Variants in ICE2 observed in about 807,000 individuals in gnomAD.
The protein encoded by ICE2 is little elongation complex subunit 2.
Under a neutral mutation model 105.4 loss-of-function variants are expected in ICE2, and 87 were observed. The ratio of observed to expected loss-of-function variants is 0.83; its 90% CI spans 0.69 to 0.99. The LOEUF is 0.99. ICE2 is among the 50% of genes least tolerant of loss of function. The pLI is 0.00. For synonymous variants in ICE2, 399 were observed against 392.0 expected, an observed-to-expected ratio of 1.02 and a Z score of -0.21; for missense variants, 1,323 against 1,146.7, an observed-to-expected ratio of 1.15 and a Z score of -2.22.
At chr15:60,461,060 G>T (rs765235039) in intron 5 of ICE2, among the ~76,000 whole-genome samples, 1 of 132,538 alleles carries the variant, frequency 7.5e-6, no homozygotes, top group Non-Finnish European at 1.6e-5. Flanking sequence ...TCCACCAGTT[G>T]TAACAACCAA....
chr15:60,459,510 C>T (rs1415919595), intron 5 of ICE2, among the ~76,000 whole-genome samples: 1 of 152,106 alleles, frequency 6.6e-6, no homozygotes, highest in Non-Finnish European at 1.5e-5. Flanking sequence ...TCATCAAAGG[C>T]ACATCTAGAA....
intron 11 of ICE2, chr15:60,445,631 A>G (rs2063806779): frequency 1.2e-5 from 12 of 981,536 alleles, no homozygotes; most frequent in Middle Eastern, 5.3e-4. Flanking sequence ...ATTTTCTTCT[A>G]TAAGGTTATG....
Position 60,478,086 on chromosome 15 carries a change from G to A in ICE2, c.-92-17C>T, listed in dbSNP as rs1017329071. 5 of 994,484 alleles carry A rather than the reference G, an allele frequency of 5.0e-6. No homozygotes were observed. Among genetic ancestry groups the A allele is most frequent in the African/African-American group, 3.2e-5 (2 of 62,726 alleles). 61.6% of individuals were successfully genotyped at this position (994,484 alleles called of 1,614,324 possible). A position where few individuals can be genotyped will look rare whatever the true frequency, so the allele number is the denominator to read the frequency against. ...CTTACTCAGCTGAGTAAAAACAAAA[G>A]GCCAAGATCAAAAGCAAGTGATTGG... On this transcript the variant is annotated splice_polypyrimidine_tract_variant and intron_variant, in intron 1 of 15. Transcript: ENST00000261520.
chr15:60,424,760 C>A (rs977197025), intron 15 of ICE2, among the ~76,000 whole-genome samples: 1 of 152,218 alleles, frequency 6.6e-6, no homozygotes, highest in African/African-American at 2.4e-5. Context: ...CCCGCCTCAG[C>A]CTCCCACAGT....
At chr15:60,438,802 C>T (rs1355756163) in intron 12 of ICE2, 1 of 152,174 alleles carries the variant, frequency 6.6e-6, no homozygotes, top group Non-Finnish European at 1.5e-5. Context: ...GCTTAAGATA[C>T]TCATCACCTC....
At chr15:60,459,872 T>C (rs184399311) in intron 5 of ICE2, among the ~76,000 whole-genome samples, 3 of 150,936 alleles carry the variant, frequency 2.0e-5, no homozygotes, top group Admixed American at 6.6e-5. Flanking sequence ...AAAATGTCAA[T>C]CCCCTCAAAA....
intron 14 of ICE2, among the ~76,000 whole-genome samples, chr15:60,431,016 T>G (rs1366844971): frequency 6.6e-6 from 1 of 151,936 alleles, no homozygotes; most frequent in African/African-American, 2.4e-5. Context: ...GGATTACAGG[T>G]GCACGCCACA....
rs530863069 is a variant in ICE2, at chr15:60,448,181, T to C, written c.2120-36A>G. 223 of 1,351,522 alleles carry C rather than the reference T, an allele frequency of 1.6e-4. 2 individuals are homozygous for C. The South Asian group carries it at 2.6e-3, about 16-fold the overall frequency. The allele number at this position is 1,351,522 out of a possible 1,614,324, so 83.7% of individuals were successfully genotyped here. ...AGTATTTCTCATTTTTAAAATACAT[T>C]AGCTCTTACCCATCATAAGCAAGGA... On this transcript the variant is annotated intron_variant, in intron 10 of 15. Coordinates refer to ENST00000261520, the MANE Select transcript of ICE2 (RefSeq NM_024611.6).
chr15:60,449,622 T>C lies in ICE2; in HGVS notation c.1345A>G (p.Ile449Val), dbSNP rs142323996. The change falls in exon 10 of 16, where the codon ATT (isoleucine) becomes GTT (valine). Residue 449 changes from isoleucine (I) to valine (V), a missense_variant. By Grantham distance (29) the Ile-to-Val change is conservative. Transcript: ENST00000261520. The part of the protein sequence containing the change: ...TTTVAPSAPD[I>V]SANSRSLSQI... ...GATAAACTTCTAGAATTAGCAGAAA[T>C]GTCTGGTGCACTTGGTGCCACAGTT... The C allele has an allele frequency of 1.2e-6, 2 of 1,614,158 alleles. No homozygotes were observed. The highest frequency in any genetic ancestry group is 1.1e-5 in the South Asian group (1 of 91,078).
At chr15:60,478,978 G>A (rs1269973936) in intron 1 of ICE2, 25 bp downstream of exon 1, 4 of 455,810 alleles carry the variant, frequency 8.8e-6, no homozygotes, top group African/African-American at 4.0e-5. Context: ...CCGCGTCTGG[G>A]CTGCAACACA....
intron 11 of ICE2, chr15:60,445,677 A>G: frequency 1.0e-6 from 1 of 985,276 alleles, no homozygotes; most frequent in Non-Finnish European, 1.2e-6. Context: ...AGTCAAGTGA[A>G]TTACAATGTC....
chr15:60,424,930 A>G (rs566645535), intron 15 of ICE2, among the ~76,000 whole-genome samples: 7 of 152,292 alleles, frequency 4.6e-5, no homozygotes, highest in East Asian at 3.9e-4. Context: ...GCCTGAAACT[A>G]TTTCCACAGA....
At chr15:60,437,524 G>A (rs1419739701) in intron 12 of ICE2, among the ~76,000 whole-genome samples, 1 of 151,742 alleles carries the variant, frequency 6.6e-6, no homozygotes, top group African/African-American at 2.4e-5. Flanking sequence ...GTAGAGACTG[G>A]GTTTCATCAT....
At chr15:60,474,448 T>A (rs1474895094) in intron 3 of ICE2, among the ~76,000 whole-genome samples, 2 of 152,056 alleles carry the variant, frequency 1.3e-5, no homozygotes, top group African/African-American at 4.8e-5. Context: ...GAGGTCAATT[T>A]AAAAATTATA....
At position 60,455,074 on chromosome 15, in the gene ICE2, A is replaced by C. The variant is rs1283185725; in HGVS notation, c.872T>G (p.Leu291Ter). 1 of 1,601,662 alleles carries C rather than the reference A, an allele frequency of 6.2e-7. No homozygotes were observed. The highest frequency in any genetic ancestry group is 2.2e-5 in the East Asian group (1 of 44,752). Residue 291 changes from leucine to a stop codon, truncating the protein, a stop_gained, in exon 8 of 16, where the codon TTA becomes TGA. Transcript: ENST00000261520. LOFTEE classifies it high-confidence loss of function. ...CTTGTACGTTGGTCCATGATTATTT[A>C]ATAAGGTAAATAATGACTGACTAGT... Reference protein sequence around the residue: ...ALTSQSLFTLLNNHGPTYKEQ... With the variant: ...ALTSQSLFTL
chr15:60,467,531 G>T (rs1204660579), intron 4 of ICE2, among the ~76,000 whole-genome samples: 1 of 152,046 alleles, frequency 6.6e-6, no homozygotes. Flanking sequence ...ACCCCTGTAG[G>T]ATTAGAGAAG....
At chr15:60,473,829 G>T (rs2064678469) in intron 3 of ICE2, among the ~76,000 whole-genome samples, 11 of 152,176 alleles carry the variant, frequency 7.2e-5, no homozygotes. Context: ...TCTGACATTA[G>T]CACAGACATT....
At position 60,432,924 on chromosome 15, in the gene ICE2, A is replaced by T. The variant is rs571935103; in HGVS notation, c.2511-940T>A. ...CAAAACCAAAACCAAAACCAAACAAACAAAATGCTAAGAGGTCTTTAGTAA... is the reference window on the plus strand; with the variant it reads ...CAAAACCAAAACCAAAACCAAACAATCAAAATGCTAAGAGGTCTTTAGTAA... On this transcript the variant is annotated intron_variant, in intron 13 of 15. Transcript: ENST00000261520. 5.3e-5 allele frequency among the ~76,000 whole-genome samples: 8 copies of T among 152,128 alleles called. No homozygotes were observed. The South Asian group carries it at 1.7e-3, about 32-fold the overall frequency.
At position 60,453,681 on chromosome 15, in the gene ICE2, A is replaced by G. The variant is rs754378799; in HGVS notation, c.1047T>C (p.Phe349=). Residue 349 remains phenylalanine, a synonymous_variant, in exon 9 of 16, where the codon TTT becomes TTC. Coordinates refer to ENST00000261520, the MANE Select transcript of ICE2 (RefSeq NM_024611.6). ...GAACAGATGTGTTTTTGGACATCAT[A>G]AATTTTAATGGAACTTCATGAAAGA... ...NQIFHEVPLK[F]MMSKNTSVPV... 4 of 1,613,458 alleles carry G rather than the reference A, an allele frequency of 2.5e-6. No individual in the cohort carries two copies. The Admixed American group carries it at 5.0e-5, about 20-fold the overall frequency.
Sources: gnomAD v4.1 joint callset for allele counts (sites outside exome capture counted in the v4.1 genomes callset) on GRCh38, gnomAD v4.1.1 for gene constraint, MANE v1.5 for transcripts, NCBI Gene and HGNC (gene_info 2026-07-23, HGNC 2026-07-21) for gene names.